ROBO2: variants seen among roughly 807,000 people sequenced by gnomAD.
The protein encoded by ROBO2 is roundabout guidance receptor 2.
A neutral mutation model predicts 160.8 loss-of-function variants in ROBO2; 53 were observed. The observed-to-expected ratio is 0.33, with a 90% CI of 0.26 to 0.41. The LOEUF is 0.41. ROBO2 is among the 10% of genes least tolerant of loss of function. The pLI, the probability that ROBO2 is intolerant of heterozygous loss-of-function variation, is 1.00. For synonymous variants in ROBO2, 664 were observed against 611.7 expected, an observed-to-expected ratio of 1.09 and a Z score of -1.26; for missense variants, 1,577 against 1,722.4, an observed-to-expected ratio of 0.92 and a Z score of 1.49.
intron 2 of ROBO2, among the ~76,000 whole-genome samples, chr3:76,250,846 A>G (rs1365140151): frequency 1.3e-5 from 2 of 152,090 alleles, no homozygotes; most frequent in African/African-American, 4.8e-5. Flanking sequence ...ATCAAAGTCC[A>G]TGATATTTCA....
intron 2 of ROBO2, among the ~76,000 whole-genome samples, chr3:76,931,556 T>TACAC (rs3069924): frequency 5.3e-5 from 8 of 150,374 alleles, no homozygotes; most frequent in African/African-American, 1.5e-4. Flanking sequence ...ATAAGACACA[T>TACAC]ACACACACAC....
rs773939793 is a variant in ROBO2 at position 77,644,690 on chromosome 3, T to C, written c.3935-14T>C. 11 of 1,613,766 alleles carry C rather than the reference T, an allele frequency of 6.8e-6. No homozygotes were observed. Among genetic ancestry groups the C allele is most frequent in the African/African-American group, 1.3e-5 (1 of 75,024 alleles). ...TCTGTTCAATTTAGCCTTTGGGTTT[T>C]TTTTCTTTTTCAGAGGAGGCCTTGG... On this transcript the variant is annotated splice_polypyrimidine_tract_variant and intron_variant, in intron 24 of 25. Transcript: ENST00000461745.
chr3:75,969,978 G>A (rs2064946558), intron 2 of ROBO2, among the ~76,000 whole-genome samples: 1 of 151,472 alleles, frequency 6.6e-6, no homozygotes, highest in Non-Finnish European at 1.5e-5. Context: ...TCAAGGAGTT[G>A]TTTTCTCTGT....
chr3:76,279,034 G>A (rs1156974081), intron 2 of ROBO2, among the ~76,000 whole-genome samples: 1 of 151,662 alleles, frequency 6.6e-6, no homozygotes, highest in Admixed American at 6.6e-5. Context: ...TATTAATAGT[G>A]TTATTGCAGC....
At chr3:77,604,422 ATCTT>A (rs1344314510) in intron 20 of ROBO2, among the ~76,000 whole-genome samples, 7 of 152,260 alleles carry the variant, frequency 4.6e-5, no homozygotes, top group Admixed American at 2.6e-4. Context: ...ACTTTTAAAA[ATCTT>A]TCTTTAAGTA....
chr3:76,217,379 G>C (rs1231840716), intron 2 of ROBO2, among the ~76,000 whole-genome samples: 1 of 152,112 alleles, frequency 6.6e-6, no homozygotes, highest in East Asian at 1.9e-4. Flanking sequence ...CCAGGAGCTG[G>C]CGTTTTGAAA....
intron 2 of ROBO2, among the ~76,000 whole-genome samples, chr3:76,613,574 T>A (rs937996797): frequency 1.3e-5 from 2 of 151,818 alleles, no homozygotes; most frequent in African/African-American, 4.8e-5. Context: ...CAGAGAGCAA[T>A]CTCCCTAAGT....
At chr3:76,040,165 AATT>A (rs2067236528) in intron 2 of ROBO2, among the ~76,000 whole-genome samples, 1 of 151,934 alleles carries the variant, frequency 6.6e-6, no homozygotes, top group African/African-American at 2.4e-5. Flanking sequence ...AAATTTTAGC[AATT>A]ATTTTAAGGG....
intron 2 of ROBO2, among the ~76,000 whole-genome samples, chr3:76,724,828 G>T (rs1473552025): frequency 2.0e-5 from 3 of 152,134 alleles, no homozygotes. Flanking sequence ...TATTATCCAG[G>T]TGGCCCTAAA....
At chr3:76,288,762 T>G (rs1708656951) in intron 2 of ROBO2, among the ~76,000 whole-genome samples, 1 of 152,198 alleles carries the variant, frequency 6.6e-6, no homozygotes, top group African/African-American at 2.4e-5. Context: ...GTTCATACAT[T>G]AATTCACTTA....
At chr3:76,223,420 G>C (rs530735450) in intron 2 of ROBO2, among the ~76,000 whole-genome samples, 1 of 151,860 alleles carries the variant, frequency 6.6e-6, no homozygotes, top group African/African-American at 2.4e-5. Flanking sequence ...ACCCAGGGTG[G>C]GGAGGCTACT....
At chr3:77,565,525 A>C (rs2093454037) in intron 12 of ROBO2, among the ~76,000 whole-genome samples, 1 of 152,100 alleles carries the variant, frequency 6.6e-6, no homozygotes, top group Admixed American at 6.6e-5. Context: ...TTTATAGTGC[A>C]GTCGTTCTCA....
intron 2 of ROBO2, among the ~76,000 whole-genome samples, chr3:76,643,098 C>A (rs551000002): frequency 1.3e-5 from 2 of 152,074 alleles, no homozygotes; most frequent in African/African-American, 2.4e-5. Context: ...TCCTTTTTAT[C>A]ATCGAAAATT....
chr3:77,575,570 C>G (rs924574383), intron 14 of ROBO2, among the ~76,000 whole-genome samples: 2 of 151,940 alleles, frequency 1.3e-5, no homozygotes, highest in Non-Finnish European at 2.9e-5. Context: ...CACAACATGG[C>G]AAAAATGTCA....
At chr3:77,410,590 C>CCTCTTCCTCCTCCTG (rs2153520984) in intron 2 of ROBO2, among the ~76,000 whole-genome samples, 1 of 147,394 alleles carries the variant, frequency 6.8e-6, no homozygotes, top group African/African-American at 2.5e-5. Flanking sequence ...TCCTCCTCCT[C>CCTCTTCCTCCTCCTG]CTCTTCCTCC....
chr3:76,910,725 C>CAAAAAAAAAAAA (rs10662303), intron 2 of ROBO2, among the ~76,000 whole-genome samples: 2 of 35,510 alleles, frequency 5.6e-5, no homozygotes, highest in African/African-American at 1.3e-4. Flanking sequence ...AACTCTGTCT[C>CAAAAAAAAAAAA]AAAAAAAAAA....
rs911864224 is a variant in ROBO2 at position 77,138,274 on chromosome 3, G to T, written c.388+39934G>T. 1.5e-4 allele frequency among the ~76,000 whole-genome samples: 23 copies of T among 152,082 alleles called. 1 individual carries two copies. The highest frequency in any genetic ancestry group is 2.1e-4 in the Non-Finnish European group (14 of 68,020). On this transcript the variant is annotated intron_variant, in intron 2 of 25. Transcript: ENST00000461745. ...TAAGTCTATTTTATTTGTGATTATA[G>T]TTTGTGAAAATACAATTAATTACTC...
chr3:76,776,284 T>C (rs2062250655), intron 2 of ROBO2, among the ~76,000 whole-genome samples: 1 of 151,018 alleles, frequency 6.6e-6, no homozygotes, highest in South Asian at 2.1e-4. Flanking sequence ...TGATAACTGA[T>C]TGATTTTTAA....
intron 2 of ROBO2, among the ~76,000 whole-genome samples, chr3:77,328,354 C>G (rs1560546078): frequency 6.6e-6 from 1 of 152,128 alleles, no homozygotes; most frequent in African/African-American, 2.4e-5. Context: ...TATTTTAAGA[C>G]ACAGAACACA....
Sources: gnomAD v4.1 joint callset for allele counts (sites outside exome capture counted in the v4.1 genomes callset) on GRCh38, gnomAD v4.1.1 for gene constraint, MANE v1.5 for transcripts, NCBI Gene and HGNC (gene_info 2026-07-23, HGNC 2026-07-21) for gene names.